The following SORBS2 variants were observed in gnomAD, a reference collection of about 807,000 sequenced individuals.
SORBS2 encodes sorbin and SH3 domain containing 2, also known as sorbin and SH3 domain-containing protein 2.
Under a neutral mutation model 97.7 loss-of-function variants are expected in SORBS2, and 46 were observed. That is an observed-to-expected ratio of 0.47 (90% CI 0.37 to 0.60). SORBS2 has a LOEUF of 0.60. SORBS2 is among the 20% of genes least tolerant of loss of function. The pLI, the probability that SORBS2 is intolerant of heterozygous loss-of-function variation, is 0.00. For missense variants in SORBS2, 1,316 were observed against 1,282.3 expected (o/e 1.03, Z -0.40); for synonymous variants, 476 against 473.4 (o/e 1.01, Z -0.07).
chr4:185,953,230 C>T (rs575074506), intron 1 of SORBS2, among the ~76,000 whole-genome samples: 50 of 152,376 alleles, frequency 3.3e-4, no homozygotes, highest in African/African-American at 1.2e-3. Flanking sequence ...AGGAGAATTG[C>T]TTGAACCCGG....
intron 4 of SORBS2, among the ~76,000 whole-genome samples, chr4:185,668,795 CCTT>C (rs1375858327): frequency 1.3e-5 from 2 of 152,170 alleles, no homozygotes; most frequent in Admixed American, 6.5e-5. Context: ...TTTTAGGTCT[CCTT>C]CTTTTCAAGA....
chr4:185,743,379 T>C lies in SORBS2; in HGVS notation c.-198+31848A>G, dbSNP rs141316998. 2.0e-5 allele frequency among the ~76,000 whole-genome samples: 3 copies of C among 152,266 alleles called. No homozygotes were observed. In the East Asian group the frequency reaches 5.8e-4, roughly 29 times the overall value. On this transcript the variant is annotated intron_variant, in intron 2 of 20. Transcript: ENST00000284776. ...TTAATTTTGCGCAGATTTCCCAATTTGCTCCCCATTTGCTACCTGGGATGG... is the reference window on the plus strand; with the variant it reads ...TTAATTTTGCGCAGATTTCCCAATTCGCTCCCCATTTGCTACCTGGGATGG...
intron 2 of SORBS2, among the ~76,000 whole-genome samples, chr4:185,717,548 G>C (rs2098476240): frequency 6.6e-6 from 1 of 152,202 alleles, no homozygotes; most frequent in Admixed American, 6.5e-5. Flanking sequence ...GGCATGGGGG[G>C]TGGCTTGTGG....
intron 1 of SORBS2, among the ~76,000 whole-genome samples, chr4:185,887,950 G>GTA (rs72311903): frequency 1.2e-4 from 16 of 129,212 alleles, no homozygotes; most frequent in Non-Finnish European, 8.6e-5. Flanking sequence ...TTCTCACATA[G>GTA]TATATATATA....
At chr4:185,773,037 G>T (rs1416417376) in intron 2 of SORBS2, 1 of 144,910 alleles carries the variant, frequency 6.9e-6, no homozygotes, top group Non-Finnish European at 1.5e-5. Context: ...AAATTCAGGG[G>T]TGAAGAGAAA....
intron 1 of SORBS2, among the ~76,000 whole-genome samples, chr4:185,872,062 T>C (rs967931935): frequency 6.6e-6 from 1 of 152,230 alleles, no homozygotes; most frequent in Non-Finnish European, 1.5e-5. Context: ...GAGGTAAAAG[T>C]GTTATATTAA....
At chr4:185,929,737 T>C (rs545168558) in intron 1 of SORBS2, among the ~76,000 whole-genome samples, 35 of 152,146 alleles carry the variant, frequency 2.3e-4, no homozygotes, top group Non-Finnish European at 4.3e-4. Context: ...GGTTTCACCA[T>C]GTTGGCCAGG....
intron 2 of SORBS2, among the ~76,000 whole-genome samples, chr4:185,768,698 C>CAAAA (rs1207578871): frequency 0.12 from 10,384 of 83,944 alleles, 597 homozygotes; most frequent in Middle Eastern, 0.21. Context: ...GACTCTGTCT[C>CAAAA]AAAAAAAAAA....
chr4:185,826,554 A>C (rs1321359522), intron 1 of SORBS2, among the ~76,000 whole-genome samples: 1 of 152,226 alleles, frequency 6.6e-6, no homozygotes, highest in Non-Finnish European at 1.5e-5. Context: ...GTACTGCAAG[A>C]CACACTTCAC....
chr4:185,835,261 T>G (rs1419156457), intron 1 of SORBS2, among the ~76,000 whole-genome samples: 1 of 152,224 alleles, frequency 6.6e-6, no homozygotes, highest in East Asian at 1.9e-4. Flanking sequence ...TTTATAGCAA[T>G]GCAAGAATGA....
chr4:185,737,321 G>C (rs549915467), intron 2 of SORBS2, among the ~76,000 whole-genome samples: 2 of 152,124 alleles, frequency 1.3e-5, no homozygotes, highest in African/African-American at 4.8e-5. Context: ...CTGGGGACAG[G>C]GGGTGTGGAG....
At chr4:185,812,103 T>C (rs368266741) in intron 1 of SORBS2, 52 of 152,392 alleles carry the variant, frequency 3.4e-4, no homozygotes, top group African/African-American at 1.2e-3. Flanking sequence ...TGCGTGGCTG[T>C]GATCATTGTA....
chr4:185,706,461 G>C (rs1006094511), intron 2 of SORBS2, among the ~76,000 whole-genome samples: 1 of 152,136 alleles, frequency 6.6e-6, no homozygotes, highest in African/African-American at 2.4e-5. Context: ...TGGGGGTTGT[G>C]TCTCAAGTAT....
rs1048946879 is a variant in SORBS2 at position 185,852,668 on chromosome 4, T to A, written c.-337-77302A>T. ...AGATGGAATTTGTGGGCTGCCAAAT[T>A]CTAGCCTCTGCGGTAGGTTATTCTG... On this transcript the variant is annotated intron_variant, in intron 1 of 20. Transcript: ENST00000284776. Among the ~76,000 whole-genome samples, 9 of 152,292 alleles carry A rather than the reference T, an allele frequency of 5.9e-5. No homozygotes were observed. In the East Asian group the frequency reaches 1.2e-3, roughly 20 times the overall value.
chr4:185,879,122 T>C (rs1040739938), intron 1 of SORBS2, among the ~76,000 whole-genome samples: 4 of 147,836 alleles, frequency 2.7e-5, no homozygotes, highest in African/African-American at 1.0e-4. Flanking sequence ...GCTGCACCCA[T>C]TAACTCGCCA....
chr4:185,687,034 G>A (rs2097977615), intron 2 of SORBS2, among the ~76,000 whole-genome samples: 1 of 152,134 alleles, frequency 6.6e-6, no homozygotes, highest in Admixed American at 6.5e-5. Context: ...AGTACCATCT[G>A]AAGAACATTT....
At chr4:185,597,871 A>T (rs2096151245) in intron 12 of SORBS2, among the ~76,000 whole-genome samples, 1 of 152,190 alleles carries the variant, frequency 6.6e-6, no homozygotes, top group Non-Finnish European at 1.5e-5. Flanking sequence ...GAAAAATTTT[A>T]AAAGCCTATT....
chr4:185,747,074 C>T (rs1196934588), intron 2 of SORBS2, among the ~76,000 whole-genome samples: 2 of 152,114 alleles, frequency 1.3e-5, no homozygotes, highest in East Asian at 3.9e-4. Context: ...CAGTGTGAGA[C>T]TTGTCTCGAA....
At chr4:185,742,158 T>TG (rs1209513470) in intron 2 of SORBS2, among the ~76,000 whole-genome samples, 1 of 152,224 alleles carries the variant, frequency 6.6e-6, no homozygotes, top group Non-Finnish European at 1.5e-5. Flanking sequence ...CTACACAGTT[T>TG]GGGGGTAGTG....
Sources: gnomAD v4.1 joint callset for allele counts (sites outside exome capture counted in the v4.1 genomes callset) on GRCh38, gnomAD v4.1.1 for gene constraint, MANE v1.5 for transcripts, NCBI Gene and HGNC (gene_info 2026-07-23, HGNC 2026-07-21) for gene names.